The following ZNF385B variants were observed in gnomAD, a reference collection of about 807,000 sequenced individuals.
ZNF385B encodes the protein zinc finger protein 385B, also known as zinc finger protein 533.
In ZNF385B, 23 loss-of-function variants were observed where a neutral mutation model predicts 39.2. The ratio of observed to expected loss-of-function variants is 0.59; its 90% CI spans 0.42 to 0.83. The LOEUF is 0.83. Among genes scored for constraint, ZNF385B ranks in the 40% least tolerant of loss-of-function variants. The pLI is 0.00. For missense variants in ZNF385B, 552 were observed against 598.9 expected (o/e 0.92, Z 0.82); for synonymous variants, 205 against 222.6 (o/e 0.92, Z 0.70).
At chr2:179,855,604 T>G (rs1385676898) in intron 1 of ZNF385B, among the ~76,000 whole-genome samples, 1 of 152,320 alleles carries the variant, frequency 6.6e-6, no homozygotes, top group African/African-American at 2.4e-5. Flanking sequence ...TCAGTATTTT[T>G]TCACTGACTT....
intron 3 of ZNF385B, among the ~76,000 whole-genome samples, chr2:179,635,541 A>T (rs935560120): frequency 1.3e-5 from 2 of 152,188 alleles, no homozygotes; most frequent in African/African-American, 4.8e-5. Context: ...ATAATAATAA[A>T]AAAAGAAAAT....
At chr2:179,666,322 A>G (rs558052463) in intron 3 of ZNF385B, among the ~76,000 whole-genome samples, 40 of 152,356 alleles carry the variant, frequency 2.6e-4, no homozygotes, top group East Asian at 3.9e-4. Flanking sequence ...TCTGAGAGGC[A>G]TATGGCAATA....
intron 3 of ZNF385B, among the ~76,000 whole-genome samples, chr2:179,744,280 T>G (rs1702246155): frequency 6.6e-6 from 1 of 151,428 alleles, no homozygotes; most frequent in Admixed American, 6.6e-5. Context: ...AGTCTATTCT[T>G]GAGGGTCTAA....
intron 1 of ZNF385B, among the ~76,000 whole-genome samples, chr2:179,844,369 G>A (rs1336568346): frequency 6.6e-6 from 1 of 152,218 alleles, no homozygotes; most frequent in African/African-American, 2.4e-5. Context: ...GTCATATCCT[G>A]TCAGTCACTA....
rs916078950 is a variant in ZNF385B, at chr2:179,819,911, G to A, written c.-155+41190C>T. Among the ~76,000 whole-genome samples the A allele has an allele frequency of 3.9e-5, 6 of 152,208 alleles. No homozygotes were observed. In the Middle Eastern group the frequency reaches 0.014, roughly 345 times the overall value. On this transcript the variant is annotated intron_variant, in intron 1 of 9. Transcript: ENST00000410066. ...TTAACAATTAGACATATTGCACGAG[G>A]TACTTCCCCTAACAAGATGTCTGGA... is the stretch of plus-strand genomic sequence containing the variant.
chr2:179,764,785 G>A (rs547546899), intron 3 of ZNF385B, among the ~76,000 whole-genome samples: 2 of 152,278 alleles, frequency 1.3e-5, no homozygotes, highest in East Asian at 1.9e-4. Flanking sequence ...TGAAGAAAAT[G>A]ATAATGTAAA....
chr2:179,551,286 G>A (rs1338399896), intron 3 of ZNF385B, among the ~76,000 whole-genome samples: 1 of 151,974 alleles, frequency 6.6e-6, no homozygotes, highest in Non-Finnish European at 1.5e-5. Context: ...AATTTAACAG[G>A]AATAATTTAA....
rs139727312 is a variant in ZNF385B, at chr2:179,467,092, G to A, written c.715+16180C>T. Among the ~76,000 whole-genome samples the A allele has an allele frequency of 6.8e-3, 1,031 of 151,976 alleles. 5 individuals carry two copies. Among genetic ancestry groups the A allele is most frequent in the Non-Finnish European group, 0.01 (706 of 67,954 alleles). ...CTGAGGGTGTCATTATAAAGACTTC[G>A]TGTGTTGGCGATGGTACCACTCACA... On this transcript the variant is annotated intron_variant, in intron 6 of 9. Transcript: ENST00000410066.
chr2:179,663,561 T>A (rs1051208074), intron 3 of ZNF385B, among the ~76,000 whole-genome samples: 2 of 151,792 alleles, frequency 1.3e-5, no homozygotes, highest in African/African-American at 2.4e-5. Context: ...ATACAAAAAA[T>A]TAGACGGGCG....
At chr2:179,827,184 C>T (rs1707725665) in intron 1 of ZNF385B, among the ~76,000 whole-genome samples, 1 of 152,106 alleles carries the variant, frequency 6.6e-6, no homozygotes, top group Admixed American at 6.6e-5. Flanking sequence ...GGAGAAGGAG[C>T]AGCTAGAGCA....
intron 3 of ZNF385B, among the ~76,000 whole-genome samples, chr2:179,723,032 A>C (rs1700789714): frequency 6.6e-6 from 1 of 152,164 alleles, no homozygotes; most frequent in Non-Finnish European, 1.5e-5. Flanking sequence ...CCAGATTGTC[A>C]ACAATTTTAA....
At chr2:179,479,257 A>G (rs1292942002) in intron 6 of ZNF385B, among the ~76,000 whole-genome samples, 2 of 152,190 alleles carry the variant, frequency 1.3e-5, no homozygotes, top group Non-Finnish European at 2.9e-5. Flanking sequence ...GATAAATGCA[A>G]TTCATGCTAT....
At chr2:179,830,588 T>C (rs1211004744) in intron 1 of ZNF385B, among the ~76,000 whole-genome samples, 1 of 152,194 alleles carries the variant, frequency 6.6e-6, no homozygotes, top group Non-Finnish European at 1.5e-5. Context: ...TTTAAATGCA[T>C]ATTACTAAGT....
chr2:179,726,709 C>T (rs1701044444), intron 3 of ZNF385B, among the ~76,000 whole-genome samples: 1 of 151,948 alleles, frequency 6.6e-6, no homozygotes, highest in Admixed American at 6.6e-5. Context: ...AAATTGTGGG[C>T]TACTTCTGTT....
At chr2:179,588,119 C>A (rs1397005891) in intron 3 of ZNF385B, among the ~76,000 whole-genome samples, 1 of 152,080 alleles carries the variant, frequency 6.6e-6, no homozygotes, top group South Asian at 2.1e-4. Flanking sequence ...GACAGAGTCT[C>A]GCTCTGTCGC....
chr2:179,836,192 C>T (rs1293172247), intron 1 of ZNF385B, among the ~76,000 whole-genome samples: 2 of 152,208 alleles, frequency 1.3e-5, no homozygotes, highest in African/African-American at 2.4e-5. Context: ...CCACATTACA[C>T]AGTGAGAAAT....
At chr2:179,724,717 A>G (rs1700896976) in intron 3 of ZNF385B, among the ~76,000 whole-genome samples, 1 of 152,198 alleles carries the variant, frequency 6.6e-6, no homozygotes, top group African/African-American at 2.4e-5. Flanking sequence ...GGATAAAAAT[A>G]TTGAAATAGA....
chr2:179,491,328 C>T (rs1456338979), intron 5 of ZNF385B, among the ~76,000 whole-genome samples: 2 of 152,130 alleles, frequency 1.3e-5, no homozygotes, highest in Non-Finnish European at 2.9e-5. Flanking sequence ...GGATCAATAT[C>T]TGAGTCAATT....
At chr2:179,623,591 G>A (rs1690405530) in intron 3 of ZNF385B, among the ~76,000 whole-genome samples, 4 of 152,224 alleles carry the variant, frequency 2.6e-5, no homozygotes, top group Middle Eastern at 3.4e-3. Context: ...TCCAAGATAC[G>A]GTCGGGGCAG....
Sources: gnomAD v4.1 joint callset for allele counts (sites outside exome capture counted in the v4.1 genomes callset) on GRCh38, gnomAD v4.1.1 for gene constraint, MANE v1.5 for transcripts, NCBI Gene and HGNC (gene_info 2026-07-23, HGNC 2026-07-21) for gene names.